DCC: variants seen among roughly 807,000 people sequenced by gnomAD.
DCC encodes DCC netrin 1 receptor, also known as netrin receptor DCC.
Under a neutral mutation model 172.5 loss-of-function variants are expected in DCC, and 58 were observed. The ratio of observed to expected loss-of-function variants is 0.34; its 90% CI spans 0.27 to 0.42. The LOEUF (loss-of-function observed/expected upper bound fraction) is 0.42, where lower values mean the gene tolerates loss of function less well. Ranked by LOEUF, DCC falls within the 10% of genes least tolerant of loss-of-function variation. The probability of loss-of-function intolerance (pLI) is 1.00; values close to 1 mark genes in which losing one functional copy is unlikely to be tolerated. For missense variants in DCC, 1,740 were observed against 1,791.0 expected, an observed-to-expected ratio of 0.97 and a Z score of 0.51; for synonymous variants, 709 against 644.5, an observed-to-expected ratio of 1.10 and a Z score of -1.52.
At chr18:53,186,484 T>G (rs2144500429) in intron 9 of DCC, among the ~76,000 whole-genome samples, 1 of 152,334 alleles carries the variant, frequency 6.6e-6, no homozygotes, top group Non-Finnish European at 1.5e-5. Flanking sequence ...GGACATGAGC[T>G]GAGCTGCTTT....
chr18:52,533,977 C>A (rs1371977004), intron 1 of DCC, among the ~76,000 whole-genome samples: 1 of 152,126 alleles, frequency 6.6e-6, no homozygotes, highest in Middle Eastern at 3.4e-3. Flanking sequence ...TTGTGACTGG[C>A]TTATTTCACC....
At chr18:53,132,674 G>T (rs1051257726) in intron 7 of DCC, among the ~76,000 whole-genome samples, 1 of 152,170 alleles carries the variant, frequency 6.6e-6, no homozygotes, top group South Asian at 2.1e-4. Flanking sequence ...GAGCAGGAGA[G>T]AGTGGTGTCA....
chr18:52,626,706 C>G (rs937948090), intron 1 of DCC, among the ~76,000 whole-genome samples: 6 of 152,060 alleles, frequency 3.9e-5, no homozygotes, highest in Non-Finnish European at 8.8e-5. Context: ...AAATTTGAAA[C>G]AAAAAAATTC....
intron 15 of DCC, among the ~76,000 whole-genome samples, chr18:53,372,513 G>T (rs1157795418): frequency 6.6e-6 from 1 of 151,882 alleles, no homozygotes; most frequent in Non-Finnish European, 1.5e-5. Flanking sequence ...TGAGTACTAT[G>T]CTTATTACCT....
chr18:53,079,173 C>A (rs1266302326), intron 7 of DCC, among the ~76,000 whole-genome samples: 1 of 152,096 alleles, frequency 6.6e-6, no homozygotes, highest in Non-Finnish European at 1.5e-5. Context: ...CTTGCCTTGT[C>A]TTCTTGATTT....
intron 21 of DCC, among the ~76,000 whole-genome samples, chr18:53,419,239 C>G (rs1159930337): frequency 6.6e-6 from 1 of 152,120 alleles, no homozygotes; most frequent in African/African-American, 2.4e-5. Context: ...GAAATAAGCA[C>G]ATCATGGAGA....
intron 12 of DCC, among the ~76,000 whole-genome samples, chr18:53,256,306 G>A (rs2056512861): frequency 6.6e-6 from 1 of 152,200 alleles, no homozygotes; most frequent in Admixed American, 6.5e-5. Context: ...TGCCCCGAAT[G>A]GCATTGCCTA....
At chr18:53,504,710 T>A (rs2046148382) in intron 27 of DCC, among the ~76,000 whole-genome samples, 1 of 152,158 alleles carries the variant, frequency 6.6e-6, no homozygotes, top group African/African-American at 2.4e-5. Flanking sequence ...TCTGAGGTTT[T>A]AGAAAATAAA....
intron 1 of DCC, among the ~76,000 whole-genome samples, chr18:52,635,618 T>C (rs7243342): frequency 0.29 from 44,217 of 152,096 alleles, 7,202 homozygotes; most frequent in East Asian, 0.48. Context: ...AATTCAGTTA[T>C]CCATATTCCA....
At chr18:53,217,468 T>C (rs190791994) in intron 12 of DCC, among the ~76,000 whole-genome samples, 2 of 152,236 alleles carry the variant, frequency 1.3e-5, no homozygotes, top group African/African-American at 4.8e-5. Flanking sequence ...TCATTCGCTT[T>C]TCAGAATGAA....
rs139280277 is a variant in DCC at position 53,402,845 on chromosome 18, G to A, written c.2887G>A (p.Val963Ile). Residue 963 changes from valine (V) to isoleucine (I), a missense_variant, in exon 19 of 29, where the codon GTC becomes ATC. Transcript: ENST00000442544. ...VITREGKPRA[V>I]IVSWQPPLEA... ...TACTAGGGAAGGGAAGCCTCGTGCC[G>A]TCATTGTGAGTTGGCAGCCTCCCTT... 323 of 1,614,020 alleles carry A rather than the reference G, an allele frequency of 2.0e-4. 5 individuals carry two copies. The East Asian group carries it at 5.9e-3, about 30-fold the overall frequency.
chr18:53,074,809 G>C (rs2042703327), intron 7 of DCC, among the ~76,000 whole-genome samples: 1 of 152,042 alleles, frequency 6.6e-6, no homozygotes, highest in South Asian at 2.1e-4. Flanking sequence ...CAGTTTACTT[G>C]TAGAGATTTA....
intron 9 of DCC, among the ~76,000 whole-genome samples, chr18:53,195,705 G>A (rs1033503225): frequency 1.1e-4 from 17 of 151,972 alleles, no homozygotes; most frequent in African/African-American, 3.9e-4. Context: ...CTGTCTCGTC[G>A]GATTCATCCT....
chr18:52,796,998 CTTCA>C (rs2037888385), intron 2 of DCC, among the ~76,000 whole-genome samples: 2 of 145,628 alleles, frequency 1.4e-5, no homozygotes, highest in Admixed American at 7.2e-5. Flanking sequence ...CATAGGCTTT[CTTCA>C]TTCATTCCTT....
intron 27 of DCC, among the ~76,000 whole-genome samples, chr18:53,520,707 C>T (rs1039321315): frequency 7.9e-5 from 12 of 152,178 alleles, no homozygotes; most frequent in African/African-American, 2.4e-4. Flanking sequence ...GAGTTATGCA[C>T]AACCAGGAAC....
intron 2 of DCC, among the ~76,000 whole-genome samples, chr18:52,792,402 A>T (rs1213591673): frequency 1.3e-5 from 2 of 152,198 alleles, no homozygotes; most frequent in African/African-American, 4.8e-5. Context: ...AAAGTTGGAG[A>T]TCCTGTTGCC....
intron 2 of DCC, among the ~76,000 whole-genome samples, chr18:52,791,645 T>A (rs999904769): frequency 6.6e-6 from 1 of 151,994 alleles, no homozygotes; most frequent in Non-Finnish European, 1.5e-5. Flanking sequence ...CCTGGACTTG[T>A]GTAACCTGCC....
intron 1 of DCC, among the ~76,000 whole-genome samples, chr18:52,592,956 G>T (rs1407940503): frequency 6.6e-6 from 1 of 152,038 alleles, no homozygotes; most frequent in Non-Finnish European, 1.5e-5. Context: ...AGATATTAAA[G>T]GTCAATTTTA....
chr18:53,430,288 C>T, intron 21 of DCC, among the ~76,000 whole-genome samples: 1 of 152,100 alleles, frequency 6.6e-6, no homozygotes, highest in East Asian at 1.9e-4. Context: ...AGATTATGGA[C>T]AATACGTTTT....
Sources: gnomAD v4.1 joint callset for allele counts (sites outside exome capture counted in the v4.1 genomes callset) on GRCh38, gnomAD v4.1.1 for gene constraint, MANE v1.5 for transcripts, NCBI Gene and HGNC (gene_info 2026-07-23, HGNC 2026-07-21) for gene names.